ZMIZ1: variants seen among roughly 807,000 people sequenced by gnomAD.
ZMIZ1 encodes zinc finger MIZ-type containing 1, also known as zinc finger MIZ domain-containing protein 1.
Under a neutral mutation model 113.9 loss-of-function variants are expected in ZMIZ1, and 17 were observed. That is an observed-to-expected ratio of 0.15 (90% confidence interval 0.10 to 0.22). The LOEUF is 0.22. Ranked by LOEUF, ZMIZ1 falls within the 10% of genes least tolerant of loss-of-function variation. The probability of loss-of-function intolerance (pLI) is 1.00; values close to 1 mark genes in which losing one functional copy is unlikely to be tolerated. For synonymous variants in ZMIZ1, 607 were observed against 603.1 expected, an observed-to-expected ratio of 1.01 and a Z score of -0.09; for missense variants, 1,059 against 1,477.8, an observed-to-expected ratio of 0.72 and a Z score of 4.65.
At chr10:79,271,829 A>AG (rs1257449712) in intron 7 of ZMIZ1, among the ~76,000 whole-genome samples, 2 of 152,142 alleles carry the variant, frequency 1.3e-5, no homozygotes, top group African/African-American at 4.8e-5. Flanking sequence ...TGCTGGGCAG[A>AG]GGGGGCTTAC....
In ZMIZ1 at chr10:79,217,564, G is replaced by A. The variant is rs114419350; in HGVS notation, c.280+1290G>A. Among the ~76,000 whole-genome samples the A allele has an allele frequency of 3.0e-3, 463 of 152,316 alleles. 3 individuals are homozygous for A. Among genetic ancestry groups the A allele is most frequent in the African/African-American group, 0.011 (447 of 41,560 alleles). ...TCCCTTGTATAACAATAAAATGGAC[G>A]TTTTCACTGAATTCATCAGTCAGTT... On this transcript the variant is annotated intron_variant, in intron 7 of 24. Transcript: ENST00000334512.
At chr10:79,266,550 G>A (rs1005685876) in intron 7 of ZMIZ1, among the ~76,000 whole-genome samples, 3 of 152,160 alleles carry the variant, frequency 2.0e-5, no homozygotes, top group East Asian at 1.9e-4. Context: ...AGGGTGAGTC[G>A]GGCCAGAAGG....
intron 8 of ZMIZ1, among the ~76,000 whole-genome samples, chr10:79,283,224 G>T (rs1382007458): frequency 2.0e-5 from 3 of 152,354 alleles, no homozygotes; most frequent in South Asian, 4.1e-4. Context: ...CTTCTGGGCG[G>T]GAGGGCCCCT....
intron 4 of ZMIZ1, among the ~76,000 whole-genome samples, chr10:79,195,130 A>G (rs908077032): frequency 6.6e-6 from 1 of 152,220 alleles, no homozygotes; most frequent in African/African-American, 2.4e-5. Flanking sequence ...CTTCAAAAGC[A>G]GGCATTCTCC....
intron 1 of ZMIZ1, among the ~76,000 whole-genome samples, chr10:79,101,155 A>G (rs1266296626): frequency 2.0e-5 from 3 of 152,108 alleles, no homozygotes; most frequent in African/African-American, 4.8e-5. Flanking sequence ...AATTCAGCAT[A>G]CAGTTGAAGC....
chr10:79,236,898 G>A lies in ZMIZ1; in HGVS notation c.280+20624G>A, dbSNP rs144509243. ...ACAGACTAAAGTCCCAGTTGACATG[G>A]AGCTTGCCTTTTAGTGAGGGAGACA... is the stretch of plus-strand genomic sequence containing the variant. On this transcript the variant is annotated intron_variant, in intron 7 of 24. Coordinates refer to ENST00000334512, the MANE Select transcript of ZMIZ1 (RefSeq NM_020338.4). Among the ~76,000 whole-genome samples the A allele has an allele frequency of 6.8e-3, 1,029 of 152,358 alleles. 7 individuals are homozygous for A. Among genetic ancestry groups the A allele is most frequent in the African/African-American group, 0.023 (968 of 41,572 alleles).
At chr10:79,106,454 G>C (rs977788907) in intron 1 of ZMIZ1, among the ~76,000 whole-genome samples, 2 of 152,236 alleles carry the variant, frequency 1.3e-5, no homozygotes, top group African/African-American at 4.8e-5. Context: ...AAGGAAGCCT[G>C]GGGGTACACA....
intron 2 of ZMIZ1, among the ~76,000 whole-genome samples, chr10:79,122,317 C>A (rs1424872119): frequency 6.6e-6 from 1 of 152,082 alleles, no homozygotes; most frequent in Non-Finnish European, 1.5e-5. Flanking sequence ...AAGCTTTGGC[C>A]GGGGTGGAGT....
At chr10:79,119,975 C>CTCCG (rs1189351257) in intron 2 of ZMIZ1, among the ~76,000 whole-genome samples, 2 of 121,042 alleles carry the variant, frequency 1.7e-5, no homozygotes, top group African/African-American at 2.9e-5. Context: ...CCACTCTCTG[C>CTCCG]TCCGTGGAGA....
intron 2 of ZMIZ1, among the ~76,000 whole-genome samples, chr10:79,123,397 G>A (rs1441289831): frequency 9.2e-5 from 14 of 152,172 alleles, no homozygotes; most frequent in Admixed American, 6.5e-4. Context: ...AGTTGGGAGG[G>A]ATTCAACGAA....
At chr10:79,152,667 G>C (rs1241332157) in intron 3 of ZMIZ1, among the ~76,000 whole-genome samples, 1 of 152,240 alleles carries the variant, frequency 6.6e-6, no homozygotes, top group Non-Finnish European at 1.5e-5. Flanking sequence ...TGGTGCATGG[G>C]TTCTGGAGCC....
intron 6 of ZMIZ1, 26 bp from the exon 7 acceptor site, chr10:79,216,143 C>G (rs781256771): frequency 2.1e-6 from 3 of 1,458,546 alleles, no homozygotes; most frequent in Non-Finnish European, 2.7e-6. Context: ...CGTGACTCAC[C>G]TGCCCTCCTC....
At chr10:79,108,060 G>T (rs377547017) in intron 1 of ZMIZ1, among the ~76,000 whole-genome samples, 2 of 152,316 alleles carry the variant, frequency 1.3e-5, no homozygotes, top group African/African-American at 4.8e-5. Context: ...TCTGCTTCCA[G>T]GCTAGTGTTG....
At chr10:79,239,101 G>A (rs926042781) in intron 7 of ZMIZ1, among the ~76,000 whole-genome samples, 1 of 152,196 alleles carries the variant, frequency 6.6e-6, no homozygotes, top group Non-Finnish European at 1.5e-5. Context: ...AAAGGGAGTG[G>A]GGACAGAGAG....
intron 8 of ZMIZ1, among the ~76,000 whole-genome samples, chr10:79,280,512 C>T (rs868688911): frequency 3.9e-5 from 6 of 152,084 alleles, no homozygotes; most frequent in African/African-American, 1.4e-4. Flanking sequence ...TGGGCTCAAA[C>T]AATCCTACCA....
chr10:79,313,694 A>T lies in ZMIZ1; in HGVS notation c.*945A>T, dbSNP rs150585135. 14 of 285,028 alleles carry T rather than the reference A, an allele frequency of 4.9e-5. No individual in the cohort carries two copies. Among genetic ancestry groups the T allele is most frequent in the Middle Eastern group, 1.3e-3 (1 of 774 alleles). 17.7% of individuals were successfully genotyped at this position (285,028 alleles called of 1,614,324 possible). A position where few individuals can be genotyped will look rare whatever the true frequency, so the allele number is the denominator to read the frequency against. ...TAAACAGCAACAATTTAAAGCTATG[A>T]AGTCACCTGGAGAAAAGGAACGTTG... On this transcript the variant is annotated 3_prime_UTR_variant, in exon 25 of 25. Transcript: ENST00000334512.
chr10:79,277,895 C>G (rs906218953), intron 8 of ZMIZ1, among the ~76,000 whole-genome samples: 1 of 152,248 alleles, frequency 6.6e-6, no homozygotes, highest in African/African-American at 2.4e-5. Flanking sequence ...TTTTGAGTCC[C>G]TTGCTGAGCT....
Position 79,296,409 on chromosome 10 carries a change from C to T in ZMIZ1, c.1231-62C>T. On this transcript the variant is annotated intron_variant, in intron 12 of 24. Coordinates refer to ENST00000334512, the MANE Select transcript of ZMIZ1 (RefSeq NM_020338.4). This position sits in a 1 kb window ranked among gnomAD's most constrained non-coding sequence, Gnocchi z 4.1. ...GGGCCCCATCCCGTTGTTCAGGTGA[C>T]CTGGCTATGTGACGTTGGCAACATT... The T allele has an allele frequency of 6.3e-7, 1 of 1,580,216 alleles. No homozygotes were observed. Among genetic ancestry groups the T allele is most frequent in the East Asian group, 2.2e-5 (1 of 44,450 alleles).
At position 79,161,841 on chromosome 10, in the gene ZMIZ1, C is replaced by G. The variant is rs1238276411; in HGVS notation, c.-130-212C>G. Among the ~76,000 whole-genome samples the G allele has an allele frequency of 3.7e-5, 5 of 135,842 alleles. No individual in the cohort carries two copies. In the East Asian group the frequency reaches 1.0e-3, roughly 28 times the overall value. The allele number at this position is 135,842 out of a possible 152,430, so 89.1% of individuals were successfully genotyped here. On this transcript the variant is annotated intron_variant, in intron 3 of 24. Coordinates refer to ENST00000334512, the MANE Select transcript of ZMIZ1 (RefSeq NM_020338.4). ...TTTGACACGTGAGGAAATTGAACCC[C>G]AGAGAGTCTGAGAGCATATCTGTAA... is the stretch of plus-strand genomic sequence containing the variant.
Sources: allele counts gnomAD v4.1 joint callset (sites outside exome capture counted in the v4.1 genomes callset), GRCh38; gene constraint gnomAD v4.1.1; non-coding constraint Gnocchi (gnomAD v3.1); transcripts MANE v1.5; gene names NCBI Gene and HGNC (gene_info 2026-07-23, HGNC 2026-07-21).